The following ATRNL1 variants were observed in gnomAD, a reference collection of about 807,000 sequenced individuals.
ATRNL1 encodes attractin like 1, also known as attractin-like protein 1.
ATRNL1 carries 95 observed loss-of-function variants against 182.7 expected under a neutral mutation model. That is an observed-to-expected ratio of 0.52 (90% CI 0.44 to 0.62). The LOEUF (loss-of-function observed/expected upper bound fraction) is 0.62. Ranked by LOEUF, ATRNL1 falls within the 20% of genes least tolerant of loss-of-function variation. ATRNL1 has a pLI of 0.00. For missense variants in ATRNL1, 1,471 were observed against 1,679.5 expected, an observed-to-expected ratio of 0.88 and a Z score of 2.17; for synonymous variants, 576 against 568.3, an observed-to-expected ratio of 1.01 and a Z score of -0.19.
chr10:115,900,256 C>A (rs1467540606), intron 28 of ATRNL1, among the ~76,000 whole-genome samples: 1 of 152,048 alleles, frequency 6.6e-6, no homozygotes, highest in African/African-American at 2.4e-5. Flanking sequence ...AAAATTAATG[C>A]CTCTTGGCTT....
intron 24 of ATRNL1, among the ~76,000 whole-genome samples, chr10:115,492,092 T>C (rs1175240411): frequency 6.6e-6 from 1 of 152,074 alleles, no homozygotes; most frequent in Non-Finnish European, 1.5e-5. Flanking sequence ...CCAGTCCCGG[T>C]GAGATGAACG....
chr10:115,843,551 TAGAC>T (rs1950859135), intron 27 of ATRNL1, among the ~76,000 whole-genome samples: 4 of 152,018 alleles, frequency 2.6e-5, no homozygotes. Context: ...AAGGATGCCT[TAGAC>T]AGTAGGAAGA....
intron 26 of ATRNL1, among the ~76,000 whole-genome samples, chr10:115,639,900 G>C (rs1051505432): frequency 6.6e-6 from 1 of 151,734 alleles, no homozygotes; most frequent in African/African-American, 2.4e-5. Context: ...GGTTTGTTGC[G>C]CCCATCAACC....
At chr10:115,202,318 A>T (rs1848615146) in intron 8 of ATRNL1, among the ~76,000 whole-genome samples, 1 of 150,060 alleles carries the variant, frequency 6.7e-6, no homozygotes, top group Non-Finnish European at 1.5e-5. Flanking sequence ...CCAGTTTTCA[A>T]AGGGAATGCT....
At chr10:115,450,354 A>T (rs1554967415) in intron 21 of ATRNL1, among the ~76,000 whole-genome samples, 3 of 152,206 alleles carry the variant, frequency 2.0e-5, no homozygotes, top group African/African-American at 7.2e-5. Flanking sequence ...CCCTCTTTCC[A>T]GAAGACATGA....
intron 18 of ATRNL1, among the ~76,000 whole-genome samples, chr10:115,332,937 A>G (rs1855299969): frequency 6.6e-6 from 1 of 152,230 alleles, no homozygotes. Context: ...TCAGTCCTGA[A>G]CACAGCAACT....
chr10:115,814,434 A>G (rs1295305776), intron 27 of ATRNL1, among the ~76,000 whole-genome samples: 2 of 152,174 alleles, frequency 1.3e-5, no homozygotes, highest in Non-Finnish European at 1.5e-5. Flanking sequence ...TTATATACTC[A>G]TTTTAATCAA....
At chr10:115,729,495 TTGTGTGTGTGTGTG>T (rs139166434) in intron 27 of ATRNL1, among the ~76,000 whole-genome samples, 9 of 142,098 alleles carry the variant, frequency 6.3e-5, no homozygotes, top group African/African-American at 1.1e-4. Flanking sequence ...CTACCCCATT[TTGTGTGTGTGTGTG>T]TGTGTGTGTG....
chr10:115,742,987 G>A (rs1948181718), intron 27 of ATRNL1, among the ~76,000 whole-genome samples: 1 of 152,062 alleles, frequency 6.6e-6, no homozygotes, highest in Non-Finnish European at 1.5e-5. Flanking sequence ...AAGCAAATAT[G>A]TCCTTCTCCA....
intron 9 of ATRNL1, among the ~76,000 whole-genome samples, chr10:115,240,875 A>AT (rs1377553480): frequency 2.0e-5 from 3 of 151,994 alleles, no homozygotes; most frequent in Non-Finnish European, 4.4e-5. Context: ...TGTAATTGTA[A>AT]TTTTTGATTA....
intron 28 of ATRNL1, among the ~76,000 whole-genome samples, chr10:115,888,695 A>T (rs1952010107): frequency 6.6e-6 from 1 of 152,226 alleles, no homozygotes; most frequent in Non-Finnish European, 1.5e-5. Context: ...GCTGCAAAAG[A>T]TAAACAGAAG....
chr10:115,129,621 T>C (rs1415822546), intron 5 of ATRNL1, 86 bp downstream of exon 5: 4 of 1,068,290 alleles, frequency 3.7e-6, no homozygotes, highest in Non-Finnish European at 5.5e-6. Flanking sequence ...TGTTTCGTTA[T>C]AGTTTGCACA....
chr10:115,587,546 C>G (rs1855623478), intron 26 of ATRNL1, among the ~76,000 whole-genome samples: 1 of 150,160 alleles, frequency 6.7e-6, no homozygotes, highest in South Asian at 2.2e-4. Context: ...TCACCCCTTT[C>G]TTCGACTAGG....
At chr10:115,662,977 A>G (rs1391607663) in intron 26 of ATRNL1, among the ~76,000 whole-genome samples, 2 of 152,140 alleles carry the variant, frequency 1.3e-5, no homozygotes, top group African/African-American at 4.8e-5. Flanking sequence ...AACAATGTTA[A>G]ACATGGAAAC....
intron 17 of ATRNL1, among the ~76,000 whole-genome samples, chr10:115,315,241 G>C (rs2134013839): frequency 6.6e-6 from 1 of 152,120 alleles, no homozygotes; most frequent in East Asian, 1.9e-4. Context: ...AAATTTTCAG[G>C]GGTCTTCAAT....
intron 26 of ATRNL1, among the ~76,000 whole-genome samples, chr10:115,588,702 G>C (rs147155792): frequency 6.6e-6 from 1 of 152,060 alleles, no homozygotes; most frequent in Non-Finnish European, 1.5e-5. Context: ...TTTCCTACCC[G>C]TGTTGGTGTG....
chr10:115,793,959 G>A (rs1022983646), intron 27 of ATRNL1, among the ~76,000 whole-genome samples: 13 of 152,092 alleles, frequency 8.5e-5, no homozygotes, highest in Admixed American at 6.6e-5. Flanking sequence ...TTAAATCTCA[G>A]TACAGCTACT....
intron 26 of ATRNL1, among the ~76,000 whole-genome samples, chr10:115,613,999 G>A (rs1386245622): frequency 1.3e-5 from 2 of 150,136 alleles, no homozygotes; most frequent in African/African-American, 4.9e-5. Flanking sequence ...TATTATATGG[G>A]GTTTTCTTTT....
At chr10:115,251,825 G>C (rs1355547397) in intron 10 of ATRNL1, among the ~76,000 whole-genome samples, 1 of 152,178 alleles carries the variant, frequency 6.6e-6, no homozygotes, top group Non-Finnish European at 1.5e-5. Flanking sequence ...CATCCAGATA[G>C]CAAGTGAACA....
Sources: gnomAD v4.1 joint callset for allele counts (sites outside exome capture counted in the v4.1 genomes callset) on GRCh38, gnomAD v4.1.1 for gene constraint, MANE v1.5 for transcripts, NCBI Gene and HGNC (gene_info 2026-07-23, HGNC 2026-07-21) for gene names.